Variants in ADAMTS6 observed in about 807,000 individuals in gnomAD.
ADAMTS6 encodes the protein A disintegrin and metalloproteinase with thrombospondin motifs 6.
ADAMTS6 carries 23 observed loss-of-function variants against 144.3 expected under a neutral mutation model. That is an observed-to-expected ratio of 0.16 (90% CI 0.11 to 0.23). The LOEUF (loss-of-function observed/expected upper bound fraction) is 0.23, where lower values mean the gene tolerates loss of function less well. ADAMTS6 is among the 10% of genes least tolerant of loss of function. The pLI, the probability that ADAMTS6 is intolerant of heterozygous loss-of-function variation, is 1.00. For synonymous variants in ADAMTS6, 444 were observed against 457.5 expected, an observed-to-expected ratio of 0.97 and a Z score of 0.38; for missense variants, 999 against 1,379.6, an observed-to-expected ratio of 0.72 and a Z score of 4.37.
At chr5:65,293,749 T>C (rs1742552259) in intron 10 of ADAMTS6, among the ~76,000 whole-genome samples, 4 of 152,052 alleles carry the variant, frequency 2.6e-5, no homozygotes, top group Admixed American at 1.3e-4. Flanking sequence ...AAGAATGCCA[T>C]GAACTGCAGG....
intron 9 of ADAMTS6, among the ~76,000 whole-genome samples, chr5:65,324,736 C>T (rs538274600): frequency 5.3e-5 from 8 of 151,988 alleles, no homozygotes; most frequent in Non-Finnish European, 1.2e-4. Context: ...TTTGAACAGA[C>T]ACTTCAAAGA....
At chr5:65,480,270 T>C (rs1351167292) in intron 1 of ADAMTS6, among the ~76,000 whole-genome samples, 2 of 152,086 alleles carry the variant, frequency 1.3e-5, no homozygotes, top group Non-Finnish European at 2.9e-5. Flanking sequence ...TTCCAAGCAA[T>C]GGTTCAGTTT....
intron 24 of ADAMTS6, among the ~76,000 whole-genome samples, chr5:65,157,770 C>T (rs374134068): frequency 3.3e-5 from 5 of 152,096 alleles, no homozygotes; most frequent in African/African-American, 9.7e-5. Context: ...ACTCAGTGTA[C>T]TTCTCCTAAT....
intron 7 of ADAMTS6, chr5:65,416,264 T>C (rs1481053267): frequency 6.5e-6 from 1 of 153,564 alleles, no homozygotes; most frequent in Non-Finnish European, 1.5e-5. Flanking sequence ...CCTGTTTTTG[T>C]TTTTGTTTTT....
chr5:65,374,476 G>A (rs1180763685), intron 7 of ADAMTS6, among the ~76,000 whole-genome samples: 1 of 149,790 alleles, frequency 6.7e-6, no homozygotes, highest in African/African-American at 2.5e-5. Context: ...CAGACAAACA[G>A]AGAGCCAAAT....
chr5:65,471,186 A>G (rs200901949), intron 2 of ADAMTS6, 44 bp from the exon 3 acceptor site: 302 of 1,542,804 alleles, frequency 2.0e-4, no homozygotes, highest in East Asian at 2.3e-4. Context: ...AAACACATGG[A>G]AGAAAAGAAA....
At chr5:65,259,953 T>C (rs1156815324) in intron 14 of ADAMTS6, among the ~76,000 whole-genome samples, 2 of 152,142 alleles carry the variant, frequency 1.3e-5, no homozygotes, top group Non-Finnish European at 2.9e-5. Flanking sequence ...GATATAAACA[T>C]TGTCAATCCA....
intron 7 of ADAMTS6, among the ~76,000 whole-genome samples, chr5:65,361,320 G>A: frequency 6.6e-6 from 1 of 152,124 alleles, no homozygotes; most frequent in East Asian, 1.9e-4. Flanking sequence ...TATGCCGAGT[G>A]TCTCAGTATT....
chr5:65,445,955 TCAAA>T (rs1232700785), intron 7 of ADAMTS6, among the ~76,000 whole-genome samples: 2 of 152,148 alleles, frequency 1.3e-5, no homozygotes, highest in Admixed American at 1.3e-4. Flanking sequence ...TATGATCATC[TCAAA>T]CAATTCAGAA....
At chr5:65,261,836 T>A (rs1761221162) in intron 13 of ADAMTS6, among the ~76,000 whole-genome samples, 5 of 141,322 alleles carry the variant, frequency 3.5e-5, no homozygotes, top group South Asian at 2.3e-4. Context: ...CTAAAAAGAG[T>A]AAAAGAAAAG....
At chr5:65,332,282 T>A (rs1580417305) in intron 8 of ADAMTS6, among the ~76,000 whole-genome samples, 11 of 105,722 alleles carry the variant, frequency 1.0e-4, no homozygotes, top group Admixed American at 2.2e-4. Flanking sequence ...GGAGAGACAG[T>A]GAGGGTATAT....
At chr5:65,387,103 A>G (rs1429212089) in intron 7 of ADAMTS6, among the ~76,000 whole-genome samples, 1 of 152,218 alleles carries the variant, frequency 6.6e-6, no homozygotes, top group Non-Finnish European at 1.5e-5. Flanking sequence ...CTGAAATTCC[A>G]TGAGTAGAGA....
chr5:65,481,625 C>T lies in ADAMTS6; in HGVS notation c.-562G>A, dbSNP rs1761212279. The T allele has an allele frequency of 2.0e-5, 3 of 151,956 alleles. No individual in the cohort carries two copies. Among genetic ancestry groups the T allele is most frequent in the Non-Finnish European group, 2.9e-5 (2 of 68,082 alleles). The allele number at this position is 151,956 out of a possible 1,614,324, so 9.4% of individuals were successfully genotyped here. On this transcript the variant is annotated 5_prime_UTR_variant, in exon 1 of 25. Transcript: ENST00000381055. ...ACTCTGAGATGCTGCCTTTGCAAACCCCCTTTCTCTCCCTCCCCACCCCCC... is the reference window on the plus strand; with the variant it reads ...ACTCTGAGATGCTGCCTTTGCAAACTCCCTTTCTCTCCCTCCCCACCCCCC...
intron 7 of ADAMTS6, among the ~76,000 whole-genome samples, chr5:65,382,851 A>C (rs560880754): frequency 2.6e-5 from 4 of 152,214 alleles, no homozygotes; most frequent in Non-Finnish European, 5.9e-5. Context: ...AAAATACCTT[A>C]AACAGGGTAA....
At position 65,449,419 on chromosome 5, in the gene ADAMTS6, A is replaced by G. The variant is rs909527535; in HGVS notation, c.1073+2056T>C. The stretch of plus-strand genomic sequence containing the variant: ...ATCACGAGGTCAGGAGATGGAGACC[A>G]TCCTGGCTAACATGGTGAAACCTCG... On this transcript the variant is annotated intron_variant, in intron 7 of 24. Transcript: ENST00000381055. Among the ~76,000 whole-genome samples, 5 of 152,108 alleles carry G rather than the reference A, an allele frequency of 3.3e-5. No individual in the cohort carries two copies. In the East Asian group the frequency reaches 7.7e-4, roughly 24 times the overall value.
At chr5:65,327,725 T>C (rs941117791) in intron 9 of ADAMTS6, among the ~76,000 whole-genome samples, 1 of 152,166 alleles carries the variant, frequency 6.6e-6, no homozygotes, top group African/African-American at 2.4e-5. Context: ...CCAATCAGAA[T>C]CTTTATAAAA....
chr5:65,421,183 A>G (rs1308804836), intron 7 of ADAMTS6, among the ~76,000 whole-genome samples: 1 of 152,210 alleles, frequency 6.6e-6, no homozygotes, highest in Non-Finnish European at 1.5e-5. Context: ...TGCTTTCAAG[A>G]GGTTCCATTC....
chr5:65,438,507 A>G (rs1207170293), intron 7 of ADAMTS6, among the ~76,000 whole-genome samples: 1 of 152,224 alleles, frequency 6.6e-6, no homozygotes, highest in African/African-American at 2.4e-5. Flanking sequence ...AGCCTGGGTA[A>G]CAGAGTGAGA....
intron 3 of ADAMTS6, among the ~76,000 whole-genome samples, chr5:65,470,055 T>C (rs1760314710): frequency 6.6e-6 from 1 of 152,196 alleles, no homozygotes; most frequent in South Asian, 2.1e-4. Flanking sequence ...ATAAACCCTG[T>C]AGTCTTGAAC....
Sources: gnomAD v4.1 joint callset for allele counts (sites outside exome capture counted in the v4.1 genomes callset) on GRCh38, gnomAD v4.1.1 for gene constraint, MANE v1.5 for transcripts, NCBI Gene and HGNC (gene_info 2026-07-23, HGNC 2026-07-21) for gene names.